Variants in CHAF1A observed in about 807,000 individuals in gnomAD.
The protein encoded by CHAF1A is CAF-1 subunit A.
In CHAF1A, 5 loss-of-function variants were observed where a neutral mutation model predicts 93.2. The ratio of observed to expected loss-of-function variants is 0.05; its 90% CI spans 0.03 to 0.11. The LOEUF is 0.11. Ranked by LOEUF, CHAF1A falls within the 10% of genes least tolerant of loss-of-function variation. CHAF1A has a pLI of 1.00. For missense variants in CHAF1A, 1,102 were observed against 1,259.9 expected (o/e 0.87, Z 1.90); for synonymous variants, 504 against 510.3 (o/e 0.99, Z 0.17).
chr19:4,447,336 G>A (rs1568189465), downstream of CHAF1A: 3 of 593,456 alleles, frequency 5.1e-6, no homozygotes, highest in East Asian at 5.6e-5. Context: ...GTGAGGAGAG[G>A]CAGAATTTGT....
Position 4,429,710 on chromosome 19 carries a change from G to A in CHAF1A, c.1776G>A (p.Lys592=). The change falls in exon 10 of 15, where the codon AAG becomes AAA. Residue 592 remains lysine (K), a splice_region_variant and synonymous_variant. Transcript: ENST00000301280. The part of the protein sequence containing the change: ...RARDPWAQDT[K]LLDYEVDSDE... Reference sequence around the variant, plus strand: ...GTCCCATGTGTTTCTTTTCTCAGAAGCTCCTGGACTATGAGGTGGACAGTG... The same window carrying A: ...GTCCCATGTGTTTCTTTTCTCAGAAACTCCTGGACTATGAGGTGGACAGTG... 1.2e-6 allele frequency: 2 copies of A among 1,614,128 alleles called. No individual in the cohort carries two copies. The highest frequency in any genetic ancestry group is 1.7e-6 in the Non-Finnish European group (2 of 1,180,006).
At chr19:4,447,802 A>G (rs557020882), downstream of CHAF1A, 34 of 632,488 alleles carry the variant, frequency 5.4e-5, no homozygotes, top group African/African-American at 5.8e-4. Flanking sequence ...CACCTCGGAC[A>G]CCCCATGGAG....
rs749133285 is a variant in CHAF1A at position 4,442,237 on chromosome 19, C to T, written c.2674-8C>T. ...CAGTGCTGATGGCCGTGTACCCTGT[C>T]TGTCCAGATTGGTGCTGAAGACATG... is the stretch of plus-strand genomic sequence containing the variant. On this transcript the variant is annotated splice_region_variant and splice_polypyrimidine_tract_variant and intron_variant, in intron 13 of 14. Transcript: ENST00000301280. The T allele has an allele frequency of 3.7e-6, 6 of 1,613,520 alleles. No homozygotes were observed. The highest frequency in any genetic ancestry group is 4.2e-6 in the Non-Finnish European group (5 of 1,179,636).
At chr19:4,418,615 CCA>C (rs1476303234) in intron 4 of CHAF1A, among the ~76,000 whole-genome samples, 1 of 151,932 alleles carries the variant, frequency 6.6e-6, no homozygotes, top group Admixed American at 6.6e-5. Flanking sequence ...CGGGGTTTCA[CCA>C]TGTTAGCCAG....
downstream of CHAF1A, chr19:4,445,705 G>A (rs1000484037): frequency 1.3e-5 from 20 of 1,557,564 alleles, no homozygotes; most frequent in East Asian, 2.3e-5. Context: ...ACCTGGGCGC[G>A]GGGATGCCCC....
At chr19:4,428,589 C>A in intron 7 of CHAF1A, 75 bp from the exon 8 acceptor site, 2 of 1,308,202 alleles carry the variant, frequency 1.5e-6, no homozygotes, top group Non-Finnish European at 2.2e-6. Context: ...CCCACCAGCA[C>A]CCTGCTGTGT....
intron 7 of CHAF1A, among the ~76,000 whole-genome samples, chr19:4,424,120 A>G (rs2145109862): frequency 6.6e-6 from 1 of 152,324 alleles, no homozygotes; most frequent in East Asian, 1.9e-4. Flanking sequence ...TTCATGAATA[A>G]TTTTGTGTTA....
chr19:4,413,096 G>A (rs376937987), intron 3 of CHAF1A, among the ~76,000 whole-genome samples: 7 of 151,386 alleles, frequency 4.6e-5, no homozygotes, highest in African/African-American at 1.7e-4. Context: ...TTTTTGAGGC[G>A]GAATCTCACT....
downstream of CHAF1A, chr19:4,447,436 A>G (rs776516740): frequency 8.1e-5 from 95 of 1,171,994 alleles, no homozygotes; most frequent in Non-Finnish European, 1.1e-4. Context: ...TTGTGGCTCA[A>G]CTCTCGCTAG....
In CHAF1A at chr19:4,405,928, T is replaced by G. The variant is rs1973672586; in HGVS notation, c.69T>G (p.Asp23Glu). ...RGAATAMDCK[D>E]RPAFPVKKLI... Reference sequence around the variant, plus strand: ...TATTTGCAGCCATGGATTGCAAAGATAGACCAGCTTTTCCAGTTAAGAAGT... The same window carrying G: ...TATTTGCAGCCATGGATTGCAAAGAGAGACCAGCTTTTCCAGTTAAGAAGT... The change falls in exon 2 of 15, where the codon GAT (aspartate) becomes GAG (glutamate). Residue 23 changes from aspartate to glutamate, a missense_variant. Transcript: ENST00000301280. 6.2e-7 allele frequency: 1 copy of G among 1,613,654 alleles called. No homozygotes were observed. The highest frequency in any genetic ancestry group is 8.5e-7 in the Non-Finnish European group (1 of 1,179,670).
In CHAF1A at chr19:4,442,258, A is replaced by G. The variant is rs568847898; in HGVS notation, c.2687A>G (p.Asp896Gly). 4 of 1,614,028 alleles carry G rather than the reference A, an allele frequency of 2.5e-6. No individual in the cohort carries two copies. The Admixed American group carries it at 5.0e-5, about 20-fold the overall frequency. The change falls in exon 14 of 15, where the codon GAC (aspartate) becomes GGC (glycine). Residue 896 changes from aspartate to glycine, a missense_variant. Physicochemically the swap from Asp to Gly is moderately conservative, Grantham distance 94 (BLOSUM62 -1). Transcript: ENST00000301280. ...CTGTCTGTCCAGATTGGTGCTGAAG[A>G]CATGGACGGCTTCCAGGCAGACACG... The part of the protein sequence containing the change: ...RRHDGQIGAE[D>G]MDGFQADTEE...
At position 4,418,090 on chromosome 19, in the gene CHAF1A, C is replaced by T. The variant is rs368879282; in HGVS notation, c.1017+14C>T. The T allele has an allele frequency of 1.9e-6, 3 of 1,575,028 alleles. No individual in the cohort carries two copies. Among genetic ancestry groups the T allele is most frequent in the Non-Finnish European group, 2.6e-6 (3 of 1,155,690 alleles). ...AGACTGCAAAGAGTAAGACATTTTCCCTGAAATAGAAAATTAACCTGCTGT... is the reference window on the plus strand; with the variant it reads ...AGACTGCAAAGAGTAAGACATTTTCTCTGAAATAGAAAATTAACCTGCTGT... On this transcript the variant is annotated intron_variant, in intron 4 of 14. Transcript: ENST00000301280.
At chr19:4,407,957 A>G (rs796885187) in intron 2 of CHAF1A, among the ~76,000 whole-genome samples, 1 of 152,042 alleles carries the variant, frequency 6.6e-6, no homozygotes, top group Non-Finnish European at 1.5e-5. Context: ...AAAGAAAAAA[A>G]AATAAGTAAA....
downstream of CHAF1A, chr19:4,449,671 T>G (rs1599677329): frequency 6.6e-6 from 1 of 152,106 alleles, no homozygotes; most frequent in Non-Finnish European, 1.5e-5. Context: ...AGGAGCTGGG[T>G]ACATGCACAG....
At chr19:4,429,260 C>A in intron 8 of CHAF1A, 178 bp from the exon 9 acceptor site, 1 of 712,386 alleles carries the variant, frequency 1.4e-6, no homozygotes, top group Non-Finnish European at 2.3e-6. Context: ...CTGCACCCTC[C>A]TCCATCTGTC....
chr19:4,423,294 A>G, intron 5 of CHAF1A, 41 bp from the exon 6 acceptor site: 1 of 1,613,598 alleles, frequency 6.2e-7, no homozygotes, highest in Non-Finnish European at 8.5e-7. Context: ...TTCCAGAGCC[A>G]AAGCAAAGAG....
At chr19:4,409,864 C>A in intron 3 of CHAF1A, 105 bp downstream of exon 3, 1 of 1,346,808 alleles carries the variant, frequency 7.4e-7, no homozygotes, top group Non-Finnish European at 1.0e-6. Context: ...GTGAGCGGGG[C>A]CACGGGCTGG....
At chr19:4,446,483 G>T (rs750616649), downstream of CHAF1A, 5 of 1,599,802 alleles carry the variant, frequency 3.1e-6, no homozygotes, top group Non-Finnish European at 3.4e-6. Context: ...ACTCTGCTCC[G>T]CGGACGTCAG....
intron 5 of CHAF1A, among the ~76,000 whole-genome samples, chr19:4,423,100 T>C (rs1974019226): frequency 6.6e-6 from 1 of 152,250 alleles, no homozygotes; most frequent in African/African-American, 2.4e-5. Context: ...CTGTGCTAAT[T>C]GTGCTCTGAC....
Sources: gnomAD v4.1 joint callset for allele counts (sites outside exome capture counted in the v4.1 genomes callset) on GRCh38, gnomAD v4.1.1 for gene constraint, MANE v1.5 for transcripts, NCBI Gene and HGNC (gene_info 2026-07-23, HGNC 2026-07-21) for gene names.